Variants in LDLRAD3 observed in about 807,000 individuals in gnomAD.
LDLRAD3 encodes the protein low density lipoprotein receptor class A domain containing 3, also known as low-density lipoprotein receptor class A domain-containing protein 3.
Under a neutral mutation model 29.4 loss-of-function variants are expected in LDLRAD3, and 20 were observed. The ratio of observed to expected loss-of-function variants is 0.68; its 90% CI spans 0.48 to 0.99. The LOEUF (loss-of-function observed/expected upper bound fraction) is 0.99. Ranked by LOEUF, LDLRAD3 falls within the 50% of genes least tolerant of loss-of-function variation. The pLI is 0.00. For missense variants in LDLRAD3, 420 were observed against 454.3 expected (o/e 0.92, Z 0.69); for synonymous variants, 157 against 192.7 (o/e 0.81, Z 1.53).
intron 4 of LDLRAD3, among the ~76,000 whole-genome samples, chr11:36,123,345 A>T (rs1853788064): frequency 6.6e-6 from 1 of 152,258 alleles, no homozygotes; most frequent in Non-Finnish European, 1.5e-5. Flanking sequence ...ATCGTAGCTC[A>T]CCAAGCTTAG....
chr11:36,033,609 A>T (rs76302989), intron 1 of LDLRAD3, among the ~76,000 whole-genome samples: 6,106 of 152,320 alleles, frequency 0.04, 184 homozygotes, highest in South Asian at 0.12. Flanking sequence ...TGACCCTTAC[A>T]TTCCAGGCCC....
chr11:35,945,185 C>T (rs1261755180), intron 1 of LDLRAD3, among the ~76,000 whole-genome samples: 2 of 152,200 alleles, frequency 1.3e-5, no homozygotes, highest in Non-Finnish European at 2.9e-5. Context: ...AATAGCTGCC[C>T]TATTTTGCCA....
chr11:36,203,000 C>T (rs894438439), intron 4 of LDLRAD3, among the ~76,000 whole-genome samples: 2 of 151,768 alleles, frequency 1.3e-5, no homozygotes, highest in South Asian at 2.1e-4. Flanking sequence ...GCAATGGTGC[C>T]GTCATAGCAC....
chr11:36,125,560 A>C (rs1853824195), intron 4 of LDLRAD3, among the ~76,000 whole-genome samples: 1 of 152,208 alleles, frequency 6.6e-6, no homozygotes. Context: ...TAATCGCAGA[A>C]GGGTAAACAG....
chr11:36,070,849 C>CTAAG (rs1852888652), intron 2 of LDLRAD3, among the ~76,000 whole-genome samples: 1 of 152,142 alleles, frequency 6.6e-6, no homozygotes, highest in Non-Finnish European at 1.5e-5. Flanking sequence ...TAGGACAGTC[C>CTAAG]TAAGAGCGAG....
chr11:36,147,741 C>G (rs114905214), intron 4 of LDLRAD3, among the ~76,000 whole-genome samples: 1 of 152,340 alleles, frequency 6.6e-6, no homozygotes, highest in African/African-American at 2.4e-5. Flanking sequence ...ATTCTGACCT[C>G]TTACATCACT....
intron 1 of LDLRAD3, among the ~76,000 whole-genome samples, chr11:35,977,695 T>G (rs1851492921): frequency 6.6e-6 from 1 of 152,196 alleles, no homozygotes; most frequent in African/African-American, 2.4e-5. Context: ...AATTGATCAC[T>G]CACAATTCTC....
intron 2 of LDLRAD3, among the ~76,000 whole-genome samples, chr11:36,039,651 T>A (rs577548097): frequency 6.6e-6 from 1 of 152,354 alleles, no homozygotes; most frequent in Admixed American, 6.5e-5. Context: ...TTCAATTATC[T>A]GCTTTTTTCT....
chr11:36,133,225 G>A (rs1424675324), intron 4 of LDLRAD3, among the ~76,000 whole-genome samples: 2 of 87,960 alleles, frequency 2.3e-5, no homozygotes, highest in Non-Finnish European at 4.7e-5. Flanking sequence ...TAGTTGAGAT[G>A]GGGCCTTGCT....
intron 1 of LDLRAD3, among the ~76,000 whole-genome samples, chr11:35,995,570 A>G (rs1483368444): frequency 6.6e-6 from 1 of 152,214 alleles, no homozygotes; most frequent in Non-Finnish European, 1.5e-5. Flanking sequence ...TCTTAACAAG[A>G]CAGTTAGCCT....
At chr11:36,027,343 T>A (rs1852180454) in intron 1 of LDLRAD3, among the ~76,000 whole-genome samples, 1 of 152,252 alleles carries the variant, frequency 6.6e-6, no homozygotes, top group Non-Finnish European at 1.5e-5. Context: ...GCTGCTTGTA[T>A]TTTCTTATAT....
At chr11:35,957,988 G>A (rs1851226653) in intron 1 of LDLRAD3, among the ~76,000 whole-genome samples, 1 of 152,050 alleles carries the variant, frequency 6.6e-6, no homozygotes, top group Non-Finnish European at 1.5e-5. Context: ...TTGGCAATGA[G>A]GATACCTGTG....
chr11:36,088,727 A>G (rs1242851151), intron 3 of LDLRAD3, among the ~76,000 whole-genome samples: 3 of 152,174 alleles, frequency 2.0e-5, no homozygotes, highest in African/African-American at 4.8e-5. Context: ...TTTTCCTCCC[A>G]GTACTCCAAA....
chr11:35,980,984 G>A (rs774085650), intron 1 of LDLRAD3, among the ~76,000 whole-genome samples: 14 of 152,172 alleles, frequency 9.2e-5, no homozygotes, highest in Non-Finnish European at 1.6e-4. Flanking sequence ...TCGGGCCACT[G>A]CTGACCCCAG....
At chr11:36,000,292 T>C (rs1042292823) in intron 1 of LDLRAD3, among the ~76,000 whole-genome samples, 12 of 149,250 alleles carry the variant, frequency 8.0e-5, no homozygotes, top group Non-Finnish European at 1.6e-4. Context: ...ATATAACATA[T>C]ATAATATAAA....
intron 4 of LDLRAD3, among the ~76,000 whole-genome samples, chr11:36,217,740 C>T (rs1855371411): frequency 6.6e-6 from 1 of 152,154 alleles, no homozygotes; most frequent in Non-Finnish European, 1.5e-5. Flanking sequence ...TTCCATGCCT[C>T]ATTCCTAGCT....
intron 1 of LDLRAD3, among the ~76,000 whole-genome samples, chr11:36,005,636 A>G (rs1053509793): frequency 6.6e-6 from 1 of 152,172 alleles, no homozygotes; most frequent in Admixed American, 6.5e-5. Context: ...ATGTTCTGGT[A>G]TCTTTACAGC....
chr11:36,230,788 C>T lies in LDLRAD3; in HGVS notation c.*1391C>T, dbSNP rs1194818939. ...GAAAGATGCAAAAGGAGATCACACC[C>T]TTGCCCCGCTGAGCCCCGTGATAAC... On this transcript the variant is annotated 3_prime_UTR_variant, in exon 6 of 6. Transcript: ENST00000315571. 6.6e-6 allele frequency: 1 copy of T among 152,632 alleles called. No individual in the cohort carries two copies. Among genetic ancestry groups the T allele is most frequent in the Non-Finnish European group, 1.5e-5 (1 of 68,060 alleles). The allele number at this position is 152,632 out of a possible 1,614,324, so 9.5% of individuals were successfully genotyped here.
At chr11:36,002,416 C>T (rs981451290) in intron 1 of LDLRAD3, among the ~76,000 whole-genome samples, 2 of 152,222 alleles carry the variant, frequency 1.3e-5, no homozygotes, top group African/African-American at 2.4e-5. Context: ...GTGTCGTCCT[C>T]ATCATCCCTT....
Sources: allele counts gnomAD v4.1 joint callset (sites outside exome capture counted in the v4.1 genomes callset), GRCh38; gene constraint gnomAD v4.1.1; transcripts MANE v1.5; gene names NCBI Gene and HGNC (gene_info 2026-07-23, HGNC 2026-07-21).